Variants in CERS1 observed in about 807,000 individuals in gnomAD.
The protein encoded by CERS1 is ceramide synthase 1.
In CERS1, 16 loss-of-function variants were observed where a neutral mutation model predicts 35.7. The ratio of observed to expected loss-of-function variants is 0.45; its 90% CI spans 0.30 to 0.68. The LOEUF (loss-of-function observed/expected upper bound fraction) is 0.68, where lower values mean the gene tolerates loss of function less well. Among genes scored for constraint, CERS1 ranks in the 30% least tolerant of loss-of-function variants. The pLI is 0.08. For synonymous variants in CERS1, 243 were observed against 201.6 expected (o/e 1.21, Z -1.74); for missense variants, 454 against 453.9 (o/e 1.00, Z 0.00).
intron 2 of CERS1, among the ~76,000 whole-genome samples, chr19:18,890,050 C>T (rs576219218): frequency 2.0e-5 from 3 of 152,322 alleles, no homozygotes; most frequent in Non-Finnish European, 4.4e-5. Flanking sequence ...GATGCCCAAC[C>T]CAGGGTGACA....
rs767261633 is a variant in CERS1 at position 18,879,266 on chromosome 19, G to A, written c.875C>T (p.Thr292Ile). ...CAGGAACCAGTAGAGGTTCATAAGGGTGAGCAGCAGCAGGAGCGCATTGAA... is the reference window on the plus strand; with the variant it reads ...CAGGAACCAGTAGAGGTTCATAAGGATGAGCAGCAGCAGGAGCGCATTGAA... The part of the protein sequence containing the change: ...FFFNALLLLL[T>I]LMNLYWFLYI... Residue 292 changes from threonine (T) to isoleucine (I), a missense_variant, in exon 5 of 8, where the codon ACC becomes ATC. Physicochemically the swap from Thr to Ile is moderately conservative, Grantham distance 89 (BLOSUM62 -1). Transcript: ENST00000623882. The A allele has an allele frequency of 8.1e-6, 13 of 1,613,568 alleles. No individual in the cohort carries two copies. The South Asian group carries it at 1.3e-4, about 16-fold the overall frequency.
chr19:18,871,902 C>G (rs938158248), intron 6 of CERS1, among the ~76,000 whole-genome samples: 2 of 152,214 alleles, frequency 1.3e-5, no homozygotes, highest in African/African-American at 2.4e-5. Flanking sequence ...GACACACTGT[C>G]CCCTTTTGGC....
At chr19:18,883,994 C>T (rs2056282191) in intron 3 of CERS1, 93 bp downstream of exon 3, 1 of 1,368,798 alleles carries the variant, frequency 7.3e-7, no homozygotes, top group Admixed American at 2.2e-5. Context: ...ATGTGATCCC[C>T]TCCACGGCCT....
chr19:18,870,024 A>G lies in CERS1; in HGVS notation c.*553T>C, dbSNP rs750814477. 1.3e-6 allele frequency: 2 copies of G among 1,596,850 alleles called. No homozygotes were observed. Among genetic ancestry groups the G allele is most frequent in the Non-Finnish European group, 1.7e-6 (2 of 1,174,062 alleles). Reference sequence around the variant, plus strand: ...GCGCACGATGTTTCCGGCGACCCCCAGCTCCTCCACGTGGCACGGTTGCAG... The same window carrying G: ...GCGCACGATGTTTCCGGCGACCCCCGGCTCCTCCACGTGGCACGGTTGCAG... On this transcript the variant is annotated 3_prime_UTR_variant, in exon 7 of 8. Coordinates refer to ENST00000623882, the MANE Select transcript of CERS1 (RefSeq NM_021267.5). The surrounding 1 kb of genome is among the most constrained non-coding windows in gnomAD (Gnocchi z 5.1).
At chr19:18,880,556 C>G in intron 3 of CERS1, 121 bp from the exon 4 acceptor site, 1 of 954,294 alleles carries the variant, frequency 1.0e-6, no homozygotes, top group African/African-American at 1.7e-5. Context: ...CTCTTCAAAG[C>G]CACCCTTCCT....
At chr19:18,883,106 A>T (rs1482582641) in intron 3 of CERS1, 2 of 152,228 alleles carry the variant, frequency 1.3e-5, no homozygotes, top group Non-Finnish European at 2.9e-5. Flanking sequence ...GACTACAGGC[A>T]TGAGCTACTG....
intron 2 of CERS1, among the ~76,000 whole-genome samples, chr19:18,885,801 G>A (rs904787950): frequency 6.6e-6 from 1 of 152,058 alleles, no homozygotes; most frequent in African/African-American, 2.4e-5. Flanking sequence ...TTACGGGCGT[G>A]AGCCGCTGCG....
At chr19:18,881,992 C>G (rs962545969) in intron 3 of CERS1, 2 of 153,464 alleles carry the variant, frequency 1.3e-5, no homozygotes, top group Non-Finnish European at 2.9e-5. Context: ...TTATTTTTAG[C>G]AGACACAGGG....
At position 18,868,547 on chromosome 19, in the gene CERS1, GCAGA is replaced by G; in HGVS notation, c.*1434_*1437del. On this transcript the variant is annotated 3_prime_UTR_variant, in exon 8 of 8. Coordinates refer to ENST00000623882, the MANE Select transcript of CERS1 (RefSeq NM_021267.5). ...CAAGGAGTCCAAGGAGACCAGCGGA[GCAGA>G]CCACGCGGCATTTATTGTTGGGCCC... 7.0e-7 allele frequency: 1 copy of G among 1,419,890 alleles called. No homozygotes were observed. Among genetic ancestry groups the G allele is most frequent in the East Asian group, 2.5e-5 (1 of 39,538 alleles). 88.0% of individuals were successfully genotyped at this position (1,419,890 alleles called of 1,614,324 possible). A position where few individuals can be genotyped will look rare whatever the true frequency, so the allele number is the denominator to read the frequency against.
intron 2 of CERS1, among the ~76,000 whole-genome samples, chr19:18,884,707 G>GTTT (rs1292525782): frequency 3.2e-5 from 2 of 61,772 alleles, no homozygotes; most frequent in Non-Finnish European, 6.1e-5. Context: ...CCGCCCAGCC[G>GTTT]TCTTTTTTTT....
intron 4 of CERS1, 24 bp downstream of exon 4, chr19:18,880,250 T>C (rs770752292): frequency 1.3e-6 from 2 of 1,526,676 alleles, no homozygotes; most frequent in Non-Finnish European, 1.8e-6. Flanking sequence ...CCTCCCTCCC[T>C]GCCCAGCACT....
Position 18,879,005 on chromosome 19 carries a change from C to T in CERS1, c.935G>A (p.Gly312Asp), listed in dbSNP as rs765251733. Residue 312 changes from glycine (G) to aspartate (D), a missense_variant, in exon 6 of 8, where the codon GGC becomes GAC. Physicochemically the swap from Gly to Asp is moderately conservative, Grantham distance 94. Transcript: ENST00000623882. ...CAGGTCCTTCAGCTCGTGCACCTGG[C>T]CTGTCAACACCTTGGCTGCAAACGC... ...IVAFAAKVLT[G>D]QVHELKDLRE... The T allele has an allele frequency of 1.2e-6, 2 of 1,613,642 alleles. No individual in the cohort carries two copies. The highest frequency in any genetic ancestry group is 1.7e-6 in the Non-Finnish European group (2 of 1,179,826).
In CERS1 at chr19:18,895,193, T is replaced by A. The variant is rs1601195841; in HGVS notation, c.249+631A>T. Among the ~76,000 whole-genome samples the A allele has an allele frequency of 6.6e-6, 1 of 152,136 alleles. No homozygotes were observed. Among genetic ancestry groups the A allele is most frequent in the East Asian group, 1.9e-4 (1 of 5,182 alleles). ...GCCCTTGCCATCCCTGGTCGGAGGGTGGCGCTGACCCCAGATAGGCACAAG... is the reference window on the plus strand; with the variant it reads ...GCCCTTGCCATCCCTGGTCGGAGGGAGGCGCTGACCCCAGATAGGCACAAG... On this transcript the variant is annotated intron_variant, in intron 1 of 7. Transcript: ENST00000623882. The surrounding 1 kb of genome is among the most constrained non-coding windows in gnomAD (Gnocchi z 6.4).
chr19:18,878,086 A>G lies in CERS1; in HGVS notation c.1010+844T>C. 1 of 985,516 alleles carries G rather than the reference A, an allele frequency of 1.0e-6. No homozygotes were observed. The highest frequency in any genetic ancestry group is 1.2e-6 in the Non-Finnish European group (1 of 830,004). 61.0% of individuals were successfully genotyped at this position (985,516 alleles called of 1,614,324 possible). A position where few individuals can be genotyped will look rare whatever the true frequency, so the allele number is the denominator to read the frequency against. ...TTCCAAAAAACGTCACGGAGCTCTG[A>G]GCCACTGCTTCCCTGAAACCATCGT... On this transcript the variant is annotated intron_variant, in intron 6 of 7. Coordinates refer to ENST00000623882, the MANE Select transcript of CERS1 (RefSeq NM_021267.5). The surrounding 1 kb of genome is among the most constrained non-coding windows in gnomAD (Gnocchi z 4.6).
chr19:18,894,498 C>A (rs981287605), intron 1 of CERS1, among the ~76,000 whole-genome samples: 7 of 152,108 alleles, frequency 4.6e-5, no homozygotes, highest in Non-Finnish European at 8.8e-5. Context: ...GGGGCGAGCA[C>A]CCCACCCAAG....
In CERS1 at chr19:18,878,197, CGGCTCCTGCTCA is replaced by C; in HGVS notation, c.1010+721_1010+732del. ...CAGGGCCTTCCACAACCTCCTGCCC[CGGCTCCTGCTCA>C]AACACTCCTCACGTTGCCTATGAGA... On this transcript the variant is annotated intron_variant, in intron 6 of 7. Transcript: ENST00000623882. This position sits in a 1 kb window ranked among gnomAD's most constrained non-coding sequence, Gnocchi z 4.6. 1.0e-6 allele frequency: 1 copy of C among 985,608 alleles called. No homozygotes were observed. The highest frequency in any genetic ancestry group is 4.7e-5 in the South Asian group (1 of 21,278). 61.1% of individuals were successfully genotyped at this position (985,608 alleles called of 1,614,324 possible). A position where few individuals can be genotyped will look rare whatever the true frequency, so the allele number is the denominator to read the frequency against.
chr19:18,872,687 T>A (rs1237425940), intron 6 of CERS1, among the ~76,000 whole-genome samples: 692 of 60,160 alleles, frequency 0.012, 11 homozygotes, highest in African/African-American at 0.042. Flanking sequence ...AGATAATTTT[T>A]GTATTTTTAG....
chr19:18,869,974 C>G lies in CERS1; in HGVS notation c.*594+9G>C. The G allele has an allele frequency of 3.8e-6, 6 of 1,580,318 alleles. No homozygotes were observed. The highest frequency in any genetic ancestry group is 5.2e-6 in the Non-Finnish European group (6 of 1,164,864). ...CAGGACCAGTGTCCCCAGCGAAAGCCCCACTCACCGCGGTCCGGGATGTGG... is the reference window on the plus strand; with the variant it reads ...CAGGACCAGTGTCCCCAGCGAAAGCGCCACTCACCGCGGTCCGGGATGTGG... On this transcript the variant is annotated intron_variant, in intron 7 of 7. Coordinates refer to ENST00000623882, the MANE Select transcript of CERS1 (RefSeq NM_021267.5).
At chr19:18,881,312 C>T (rs917062032) in intron 3 of CERS1, among the ~76,000 whole-genome samples, 9 of 151,828 alleles carry the variant, frequency 5.9e-5, no homozygotes, top group South Asian at 2.1e-4. Flanking sequence ...CTCCACCTCC[C>T]GGGTTCAAGC....
Sources: gnomAD v4.1 joint callset for allele counts (sites outside exome capture counted in the v4.1 genomes callset) on GRCh38, gnomAD v4.1.1 for gene constraint, Gnocchi (gnomAD v3.1) non-coding constraint, MANE v1.5 for transcripts, NCBI Gene and HGNC (gene_info 2026-07-23, HGNC 2026-07-21) for gene names.